Variants in MYH2 observed in about 807,000 individuals in gnomAD.
MYH2 encodes the protein myosin heavy chain 2.
Under a neutral mutation model 228.1 loss-of-function variants are expected in MYH2, and 139 were observed. The ratio of observed to expected loss-of-function variants is 0.61; its 90% CI spans 0.53 to 0.70. The LOEUF is 0.70. Among genes scored for constraint, MYH2 ranks in the 30% least tolerant of loss-of-function variants. The probability of loss-of-function intolerance (pLI) is 0.00; values close to 1 mark genes in which losing one functional copy is unlikely to be tolerated. For synonymous variants in MYH2, 796 were observed against 871.1 expected (o/e 0.91, Z 1.52); for missense variants, 1,809 against 2,357.5 (o/e 0.77, Z 4.82).
rs751820899 is a variant in MYH2 at position 10,525,310 on chromosome 17, C to T, written c.4576G>A (p.Gly1526Arg). The T allele has an allele frequency of 6.2e-7, 1 of 1,614,132 alleles. No individual in the cohort carries two copies. The highest frequency in any genetic ancestry group is 1.1e-5 in the South Asian group (1 of 91,080). The change falls in exon 33 of 40, where the codon GGG (glycine) becomes AGG (arginine). Residue 1526 changes from glycine (G) to arginine (R), a missense_variant. Physicochemically the swap from Gly to Arg is moderately radical, Grantham distance 125. Around this residue, in one of 9 missense-constraint regions of MYH2, gnomAD observed 636 missense variants for 729.9 expected, o/e 0.87. Coordinates refer to ENST00000245503, the MANE Select transcript of MYH2 (RefSeq NM_017534.6). This position sits in a 1 kb window ranked among gnomAD's most constrained non-coding sequence, Gnocchi z 4.2. ...SDLTEQIAEGGKRIHELEKIK... is the reference protein window; with the variant it reads ...SDLTEQIAEGRKRIHELEKIK... ...TTCTCCAGTTCATGGATACGTTTCC[C>T]TCCTTCTGCAATCTGTTCCGTGAGG...
rs1358371509 is a variant in MYH2 at position 10,523,566 on chromosome 17, A to C, written c.5402T>G (p.Leu1801Arg). ...CAGCTGCTCAGCCTCATCCAGACGGAGCTGCAGATCCTTCACGGTCTGCTC... is the reference window on the plus strand; with the variant it reads ...CAGCTGCTCAGCCTCATCCAGACGGCGCTGCAGATCCTTCACGGTCTGCTC... ...NMEQTVKDLQ[L>R]RLDEAEQLAL... Residue 1801 changes from leucine (L) to arginine (R), a missense_variant, in exon 37 of 40, where the codon CTC becomes CGC. Coordinates refer to ENST00000245503, the MANE Select transcript of MYH2 (RefSeq NM_017534.6). 1 of 1,614,166 alleles carries C rather than the reference A, an allele frequency of 6.2e-7. No individual in the cohort carries two copies. The highest frequency in any genetic ancestry group is 8.5e-7 in the Non-Finnish European group (1 of 1,180,038).
intron 39 of MYH2, among the ~76,000 whole-genome samples, chr17:10,522,341 C>A (rs148220556): frequency 0.015 from 2,305 of 152,152 alleles, 46 homozygotes; most frequent in African/African-American, 0.051. Context: ...AAAAAATAAT[C>A]CTCTATGTAT....
At chr17:10,542,705 T>C (rs1397898368) in intron 10 of MYH2, among the ~76,000 whole-genome samples, 170 bp downstream of exon 10, 1 of 152,234 alleles carries the variant, frequency 6.6e-6, no homozygotes, top group Non-Finnish European at 1.5e-5. Context: ...TTTGATTTCC[T>C]TTGAATTTTT....
rs1331447582 is a variant in MYH2, at chr17:10,545,493, C to A, written c.358G>T (p.Gly120Cys). The A allele has an allele frequency of 6.2e-7, 1 of 1,614,144 alleles. No individual in the cohort carries two copies. The highest frequency in any genetic ancestry group is 8.5e-7 in the Non-Finnish European group (1 of 1,180,004). The change falls in exon 5 of 40, where the codon GGT becomes TGT. Residue 120 changes from glycine to cysteine, a missense_variant. Physicochemically the swap from Gly to Cys is radical, Grantham distance 159. This residue lies in a region of MYH2 where 373 missense variants were observed against 620.4 expected (regional missense o/e 0.60). Coordinates refer to ENST00000245503, the MANE Select transcript of MYH2 (RefSeq NM_017534.6). ...YAAWMIYTYS[G>C]LFCVTVNPYK... ...GGGTTGACAGTGACACAGAAGAGAC[C>A]TGAATAGGTCTATGAGAAGGAAAAA... is the stretch of plus-strand genomic sequence containing the variant.
Position 10,536,596 on chromosome 17 carries a change from A to C in MYH2, c.1908T>G (p.Gly636=), listed in dbSNP as rs1281905464. ...TCTTACCACCTTTCTTGGCCCCTCCACCAGCTCCCTCTGAAGAAAAAGGAA... is the reference window on the plus strand; with the variant it reads ...TCTTACCACCTTTCTTGGCCCCTCCCCCAGCTCCCTCTGAAGAAAAAGGAA... The part of the protein sequence containing the change: ...GAQTAEGEGA[G]GGAKKGGKKK... The change falls in exon 17 of 40, where the codon GGT becomes GGG. Residue 636 remains glycine (G), a synonymous_variant. Transcript: ENST00000245503. 6.2e-7 allele frequency: 1 copy of C among 1,613,614 alleles called. No homozygotes were observed. The highest frequency in any genetic ancestry group is 8.5e-7 in the Non-Finnish European group (1 of 1,179,754).
In MYH2 at chr17:10,537,464, A is replaced by T. The variant is rs1201456229; in HGVS notation, c.1666T>A (p.Tyr556Asn). ...GCAGACTTGCCCAGGTGCTGGTCAT[A>T]CAGCTTGTTCTTGAAGGAGGTGTCT... ...ATDTSFKNKL[Y>N]DQHLGKSANF... The change falls in exon 16 of 40, where the codon TAT becomes AAT. Residue 556 changes from tyrosine to asparagine, a missense_variant. Physicochemically the swap from Tyr to Asn is moderately radical, Grantham distance 143. This residue lies in a region of MYH2 where 373 missense variants were observed against 620.4 expected (regional missense o/e 0.60). Transcript: ENST00000245503. This position sits in a 1 kb window ranked among gnomAD's most constrained non-coding sequence, Gnocchi z 4.0. The T allele has an allele frequency of 1.9e-6, 3 of 1,614,210 alleles. No individual in the cohort carries two copies. The highest frequency in any genetic ancestry group is 2.5e-6 in the Non-Finnish European group (3 of 1,180,044).
intron 5 of MYH2, among the ~76,000 whole-genome samples, chr17:10,545,122 G>T (rs781491967): frequency 6.6e-6 from 1 of 152,052 alleles, no homozygotes; most frequent in Non-Finnish European, 1.5e-5. Flanking sequence ...ACCATGGCCA[G>T]CCTCTGTTGA....
intron 22 of MYH2, among the ~76,000 whole-genome samples, chr17:10,530,878 CG>C (rs1567730922): frequency 6.6e-6 from 1 of 152,110 alleles, no homozygotes; most frequent in Non-Finnish European, 1.5e-5. Flanking sequence ...TACTGCTCAA[CG>C]TTGACAGAGA....
Position 10,525,837 on chromosome 17 carries a change from A to G in MYH2, c.4227T>C (p.His1409=), listed in dbSNP as rs372658014. The change falls in exon 31 of 40, where the codon CAT becomes CAC. Residue 1409 remains histidine, a synonymous_variant. Transcript: ENST00000245503. The surrounding 1 kb of genome is among the most constrained non-coding windows in gnomAD (Gnocchi z 4.2). ...LAQRLQAAEE[H]VEAVNAKCAS... ...CACATTTGGCGTTCACAGCTTCTAC[A>G]TGTTCCTCAGCTGCCTGCAGCCGCT... The G allele has an allele frequency of 1.1e-5, 17 of 1,613,942 alleles. No homozygotes were observed. The Middle Eastern group carries it at 4.9e-4, about 47-fold the overall frequency.
chr17:10,527,903 C>G (rs371903308), intron 27 of MYH2, 29 bp from the exon 28 acceptor site: 2 of 1,609,024 alleles, frequency 1.2e-6, no homozygotes, highest in Admixed American at 1.7e-5. Flanking sequence ...AAGAAGAAAA[C>G]AGAGACCTTT....
At chr17:10,540,821 G>A (rs1052532381) in intron 10 of MYH2, 124 bp from the exon 11 acceptor site, 55 of 740,906 alleles carry the variant, frequency 7.4e-5, no homozygotes, top group African/African-American at 4.4e-4. Context: ...TAGAGGGACC[G>A]GCTGAAGCCA....
intron 4 of MYH2, 73 bp from the exon 5 acceptor site, chr17:10,545,575 G>GT: frequency 1.3e-6 from 2 of 1,583,234 alleles, no homozygotes; most frequent in Non-Finnish European, 1.7e-6. Context: ...TTAATTGAAT[G>GT]TTTTTTTGAG....
At position 10,526,963 on chromosome 17, in the gene MYH2, TTTAATTC is replaced by T; in HGVS notation, c.3958_3964del (p.Glu1320ArgfsTer8). ...TTTTATCTCCTCTTCAAGTTGCCTC[TTTAATTC>T]TTCAATCTGTTGAGTAAAGGCTTGT... On this transcript the variant is annotated frameshift_variant, in exon 29 of 40. Coordinates refer to ENST00000245503, the MANE Select transcript of MYH2 (RefSeq NM_017534.6). LOFTEE classifies it high-confidence loss of function. 6.2e-7 allele frequency: 1 copy of T among 1,614,222 alleles called. No homozygotes were observed. Among genetic ancestry groups the T allele is most frequent in the Non-Finnish European group, 8.5e-7 (1 of 1,180,014 alleles).
intron 2 of MYH2, among the ~76,000 whole-genome samples, 195 bp from the exon 3 acceptor site, chr17:10,548,135 C>T (rs112774514): frequency 1.5e-4 from 23 of 152,234 alleles, no homozygotes; most frequent in African/African-American, 5.1e-4. Flanking sequence ...TACCCAATGC[C>T]GTATTTAGGG....
At position 10,533,563 on chromosome 17, in the gene MYH2, C is replaced by T. The variant is rs907707698; in HGVS notation, c.2250G>A (p.Lys750=). ...GGTCAATGTCGATGGATGCAAGGAGCTTCTCAGAGGCCTTCTTGCTATCAA... is the reference window on the plus strand; with the variant it reads ...GGTCAATGTCGATGGATGCAAGGAGTTTCTCAGAGGCCTTCTTGCTATCAA... The part of the protein sequence containing the change: ...QFIDSKKASE[K]LLASIDIDHT... The change falls in exon 20 of 40, where the codon AAG becomes AAA. Residue 750 remains lysine (K), a synonymous_variant. Transcript: ENST00000245503. 8 of 1,613,974 alleles carry T rather than the reference C, an allele frequency of 5.0e-6. No individual in the cohort carries two copies. The highest frequency in any genetic ancestry group is 3.3e-4 in the Middle Eastern group (2 of 6,084).
At chr17:10,527,921 A>G (rs749988177) in intron 27 of MYH2, 47 bp from the exon 28 acceptor site, 1 of 1,595,410 alleles carries the variant, frequency 6.3e-7, no homozygotes, top group East Asian at 2.2e-5. Flanking sequence ...TTTTAAGCGA[A>G]TAATAATCAC....
chr17:10,524,554 G>C lies in MYH2; in HGVS notation c.5087C>G (p.Ala1696Gly). ...LLQAEIEELR[A>G]TLEQTERSRK... The stretch of plus-strand genomic sequence containing the variant: ...GCTCCTCTCTGTCTGTTCCAGAGTG[G>C]CCCGCAGCTCCTCGATCTCAGCCTG... The change falls in exon 35 of 40, where the codon GCC (alanine) becomes GGC (glycine). Residue 1696 changes from alanine (A) to glycine (G), a missense_variant. Physicochemically the swap from Ala to Gly is moderately conservative, Grantham distance 60. This residue lies in a region of MYH2 where 278 missense variants were observed against 308.5 expected (regional missense o/e 0.90). Transcript: ENST00000245503. The surrounding 1 kb of genome is among the most constrained non-coding windows in gnomAD (Gnocchi z 4.7). The C allele has an allele frequency of 1.9e-6, 3 of 1,614,196 alleles. No homozygotes were observed. Among genetic ancestry groups the C allele is most frequent in the Non-Finnish European group, 2.5e-6 (3 of 1,180,044 alleles).
chr17:10,547,878 G>T lies in MYH2; in HGVS notation c.43C>A (p.Pro15Thr), dbSNP rs748691959. The T allele has an allele frequency of 1.9e-6, 3 of 1,614,204 alleles. No homozygotes were observed. Reference sequence around the variant, plus strand: ...TCCCTTTCAGACTTTCGGAGGAAAGGAGCAGCCTCCCCAAAAACAGCCAAT... The same window carrying T: ...TCCCTTTCAGACTTTCGGAGGAAAGTAGCAGCCTCCCCAAAAACAGCCAAT... ...SELAVFGEAA[P>T]FLRKSERERI... Residue 15 changes from proline to threonine, a missense_variant, in exon 3 of 40, where the codon CCT becomes ACT. By Grantham distance (38) the Pro-to-Thr change is conservative (BLOSUM62 -1). Coordinates refer to ENST00000245503, the MANE Select transcript of MYH2 (RefSeq NM_017534.6).
chr17:10,539,778 G>A (rs2073529040), intron 12 of MYH2, 150 bp downstream of exon 12: 2 of 1,262,624 alleles, frequency 1.6e-6, no homozygotes, highest in Non-Finnish European at 1.1e-6. Flanking sequence ...TAGTGCTTAT[G>A]TTTCCCATTG....
Sources: allele counts gnomAD v4.1 joint callset (sites outside exome capture counted in the v4.1 genomes callset), GRCh38; gene constraint gnomAD v4.1.1; regional missense constraint gnomAD v4.1.1; non-coding constraint Gnocchi (gnomAD v3.1); transcripts MANE v1.5; gene names NCBI Gene and HGNC (gene_info 2026-07-23, HGNC 2026-07-21).